ANKRD30B: variants seen among roughly 807,000 people sequenced by gnomAD.
ANKRD30B encodes the protein ankyrin repeat domain-containing protein 30B.
ANKRD30B carries 144 observed loss-of-function variants against 202.2 expected under a neutral mutation model. The ratio of observed to expected loss-of-function variants is 0.71; its 90% CI spans 0.62 to 0.82. ANKRD30B has a LOEUF of 0.82. Ranked by LOEUF, ANKRD30B falls within the 40% of genes least tolerant of loss-of-function variation. The probability of loss-of-function intolerance (pLI) is 0.00; values close to 1 mark genes in which losing one functional copy is unlikely to be tolerated. For missense variants in ANKRD30B, 1,487 were observed against 1,669.1 expected, an observed-to-expected ratio of 0.89 and a Z score of 1.90; for synonymous variants, 508 against 561.3, an observed-to-expected ratio of 0.91 and a Z score of 1.34.
intron 9 of ANKRD30B, among the ~76,000 whole-genome samples, chr18:14,776,812 A>G (rs1437918212): frequency 6.6e-6 from 1 of 152,158 alleles, no homozygotes; most frequent in East Asian, 1.9e-4. Flanking sequence ...AGTTTTCCTT[A>G]TGAATCTTTC....
At chr18:14,821,024 A>T (rs1233642054) in intron 30 of ANKRD30B, among the ~76,000 whole-genome samples, 1 of 152,208 alleles carries the variant, frequency 6.6e-6, no homozygotes, top group Non-Finnish European at 1.5e-5. Context: ...ACTATTGATT[A>T]TTGCCACAAT....
the ANKRD30B span, among the ~76,000 whole-genome samples, chr18:14,896,640 T>A: frequency 6.8e-6 from 1 of 146,990 alleles, no homozygotes; most frequent in Non-Finnish European, 1.5e-5. Context: ...GGTAATGGAT[T>A]AAGATCTTCT....
chr18:14,780,783 T>C (rs565410952), intron 11 of ANKRD30B, among the ~76,000 whole-genome samples: 11 of 150,010 alleles, frequency 7.3e-5, no homozygotes, highest in Non-Finnish European at 1.2e-4. Context: ...GACATACGTG[T>C]ATTGTCCAGT....
intron 24 of ANKRD30B, among the ~76,000 whole-genome samples, chr18:14,806,947 C>T (rs550728773): frequency 2.0e-5 from 3 of 150,884 alleles, no homozygotes; most frequent in South Asian, 4.2e-4. Flanking sequence ...ATTAATGAAT[C>T]GAGAACGACC....
chr18:14,934,070 C>A, the ANKRD30B span, among the ~76,000 whole-genome samples: 1 of 152,198 alleles, frequency 6.6e-6, no homozygotes, highest in African/African-American at 2.4e-5. Context: ...TTGCATTCCA[C>A]CCTGGGCAGC....
chr18:14,808,641 T>G, intron 25 of ANKRD30B, 31 bp from the exon 26 acceptor site: 1 of 1,555,634 alleles, frequency 6.4e-7, no homozygotes, highest in South Asian at 1.2e-5. Context: ...ATACATTATA[T>G]ATTAATTTTT....
the ANKRD30B span, among the ~76,000 whole-genome samples, chr18:14,896,595 G>A: frequency 6.7e-6 from 1 of 148,176 alleles, no homozygotes; most frequent in East Asian, 1.9e-4. Flanking sequence ...TAGAACATAT[G>A]GGATTTGTTA....
chr18:14,931,697 G>A, the ANKRD30B span, among the ~76,000 whole-genome samples: 3 of 152,076 alleles, frequency 2.0e-5, no homozygotes, highest in Non-Finnish European at 2.9e-5. Context: ...GCCCCACAGC[G>A]CACACAGCAT....
At chr18:14,751,590 C>A (rs1450211450) in intron 1 of ANKRD30B, among the ~76,000 whole-genome samples, 1 of 152,054 alleles carries the variant, frequency 6.6e-6, no homozygotes, top group Non-Finnish European at 1.5e-5. Context: ...TATTAATCAT[C>A]AAAAATACCT....
intron 12 of ANKRD30B, among the ~76,000 whole-genome samples, chr18:14,783,831 G>C (rs1967906849): frequency 6.6e-6 from 1 of 151,966 alleles, no homozygotes; most frequent in Admixed American, 6.6e-5. Context: ...TATGGTTATG[G>C]AAAACAGTGA....
At chr18:14,929,264 C>T in the ANKRD30B span, among the ~76,000 whole-genome samples, 6 of 152,338 alleles carry the variant, frequency 3.9e-5, no homozygotes, top group East Asian at 1.2e-3. Flanking sequence ...TGAATTCCAA[C>T]TCACCCCTGA....
chr18:14,880,490 A>G, the ANKRD30B span, among the ~76,000 whole-genome samples: 3 of 150,508 alleles, frequency 2.0e-5, no homozygotes, highest in Non-Finnish European at 4.4e-5. Flanking sequence ...TTTTCACAAT[A>G]TTGGTTCTAC....
intron 1 of ANKRD30B, among the ~76,000 whole-genome samples, chr18:14,751,190 C>T (rs1567974237): frequency 6.6e-6 from 1 of 151,820 alleles, no homozygotes. Context: ...ACATATATGT[C>T]AATAACTATA....
At chr18:14,758,070 TAG>T (rs45590032) in intron 5 of ANKRD30B, 118 bp downstream of exon 5, 80 of 1,100,814 alleles carry the variant, frequency 7.3e-5, no homozygotes, top group East Asian at 1.0e-4. Flanking sequence ...CCAGACTAGT[TAG>T]AAGGAGTACT....
chr18:14,782,656 T>C (rs1194285100), intron 12 of ANKRD30B, 42 bp downstream of exon 12: 2 of 1,364,382 alleles, frequency 1.5e-6, no homozygotes, highest in South Asian at 2.8e-5. Flanking sequence ...TAACCATATG[T>C]TTGTCTAAAC....
intron 5 of ANKRD30B, among the ~76,000 whole-genome samples, chr18:14,760,316 G>A (rs1036786402): frequency 1.3e-5 from 2 of 152,120 alleles, no homozygotes; most frequent in African/African-American, 4.8e-5. Flanking sequence ...GCTAACTCTA[G>A]TTAATTTACT....
At position 14,784,548 on chromosome 18, in the gene ANKRD30B, A is replaced by G. The variant is rs749244626; in HGVS notation, c.1672+13A>G. ...ACATTGAGAGCAGGTAAATTTTTCAATTTAACTATGCAAAGATGAATAGTT... is the reference window on the plus strand; with the variant it reads ...ACATTGAGAGCAGGTAAATTTTTCAGTTTAACTATGCAAAGATGAATAGTT... On this transcript the variant is annotated intron_variant, in intron 14 of 43. Coordinates refer to ENST00000690538, the MANE Select transcript of ANKRD30B (RefSeq NM_001367607.2). 4.8e-5 allele frequency: 77 copies of G among 1,607,652 alleles called. No homozygotes were observed. Among genetic ancestry groups the G allele is most frequent in the Middle Eastern group, 3.3e-4 (2 of 5,998 alleles).
At chr18:14,828,329 A>G in intron 33 of ANKRD30B, 21 bp downstream of exon 33, 1 of 1,512,206 alleles carries the variant, frequency 6.6e-7, no homozygotes. Flanking sequence ...GCGGTTTTTT[A>G]AAACGTATAT....
intron 9 of ANKRD30B, among the ~76,000 whole-genome samples, chr18:14,775,408 T>C (rs570155551): frequency 1.3e-3 from 192 of 152,314 alleles, no homozygotes; most frequent in African/African-American, 4.2e-3. Flanking sequence ...AAAGCTCTAA[T>C]TGGATTCAGG....
Sources: gnomAD v4.1 joint callset for allele counts (sites outside exome capture counted in the v4.1 genomes callset) on GRCh38, gnomAD v4.1.1 for gene constraint, MANE v1.5 for transcripts, NCBI Gene and HGNC (gene_info 2026-07-23, HGNC 2026-07-21) for gene names.